Variants in CACNA2D1 observed in about 807,000 individuals in gnomAD.
CACNA2D1 encodes calcium voltage-gated channel auxiliary subunit alpha2delta 1.
CACNA2D1 carries 53 observed loss-of-function variants against 171.5 expected under a neutral mutation model. The ratio of observed to expected loss-of-function variants is 0.31; its 90% CI spans 0.25 to 0.39. The LOEUF is 0.39. Ranked by LOEUF, CACNA2D1 falls within the 10% of genes least tolerant of loss-of-function variation. The pLI, the probability that CACNA2D1 is intolerant of heterozygous loss-of-function variation, is 1.00. For synonymous variants in CACNA2D1, 442 were observed against 443.1 expected (o/e 1.00, Z 0.03); for missense variants, 903 against 1,299.8 (o/e 0.69, Z 4.69).
Position 82,177,164 on chromosome 7 carries a change from T to G in CACNA2D1, c.295-6555A>C, listed in dbSNP as rs1332222046. Among the ~76,000 whole-genome samples, 3 of 149,080 alleles carry G rather than the reference T, an allele frequency of 2.0e-5. No individual in the cohort carries two copies. In the East Asian group the frequency reaches 6.1e-4, roughly 30 times the overall value. On this transcript the variant is annotated intron_variant, in intron 3 of 38. Coordinates refer to ENST00000356860, the MANE Select transcript of CACNA2D1 (RefSeq NM_000722.4). ...AAAAGCACAGAAATAGTCTCGAGCC[T>G]ACCACCCCAGAATTCACCTTGATCT...
chr7:82,309,413 A>G (rs1814144033), intron 3 of CACNA2D1, among the ~76,000 whole-genome samples: 1 of 152,100 alleles, frequency 6.6e-6, no homozygotes, highest in Non-Finnish European at 1.5e-5. Context: ...TCTCAAAAAA[A>G]AAAAATTGTT....
At chr7:82,125,554 T>A (rs1584838449) in intron 5 of CACNA2D1, among the ~76,000 whole-genome samples, 1 of 152,152 alleles carries the variant, frequency 6.6e-6, no homozygotes, top group African/African-American at 2.4e-5. Flanking sequence ...TCCCCTCAGT[T>A]TATTTTAACA....
intron 1 of CACNA2D1, among the ~76,000 whole-genome samples, chr7:82,415,143 C>T (rs917880789): frequency 1.2e-4 from 19 of 152,218 alleles, no homozygotes; most frequent in Non-Finnish European, 1.2e-4. Flanking sequence ...TGTGGTTGCA[C>T]CACAGAAGAG....
intron 1 of CACNA2D1, among the ~76,000 whole-genome samples, chr7:82,430,114 C>T (rs1829546016): frequency 6.6e-6 from 1 of 151,082 alleles, no homozygotes; most frequent in South Asian, 2.1e-4. Context: ...AAAATGACTG[C>T]TATAAAAAGG....
chr7:82,377,583 C>T (rs1206122372), intron 1 of CACNA2D1, among the ~76,000 whole-genome samples: 1 of 152,166 alleles, frequency 6.6e-6, no homozygotes. Flanking sequence ...GATCATCTTA[C>T]TCCTTGACAC....
intron 10 of CACNA2D1, chr7:82,050,495 A>C: frequency 1.5e-6 from 1 of 684,956 alleles, no homozygotes; most frequent in Non-Finnish European, 2.7e-6. Flanking sequence ...CAGGAGTCCC[A>C]AGATGAGGAA....
intron 3 of CACNA2D1, among the ~76,000 whole-genome samples, chr7:82,238,682 T>C (rs927927374): frequency 6.6e-5 from 10 of 152,108 alleles, no homozygotes; most frequent in Non-Finnish European, 1.3e-4. Flanking sequence ...GAAGAATCTA[T>C]GAGGTTTTTT....
At chr7:82,359,499 C>T (rs968194485) in intron 1 of CACNA2D1, among the ~76,000 whole-genome samples, 1 of 152,120 alleles carries the variant, frequency 6.6e-6, no homozygotes, top group African/African-American at 2.4e-5. Flanking sequence ...TCCAGTCCAG[C>T]GCACTGAACT....
intron 3 of CACNA2D1, among the ~76,000 whole-genome samples, chr7:82,222,583 C>T (rs1018424445): frequency 6.6e-6 from 1 of 152,144 alleles, no homozygotes; most frequent in Non-Finnish European, 1.5e-5. Context: ...ATCACGAATG[C>T]TTTCTCCTCT....
chr7:82,183,626 A>G (rs1395279659), intron 3 of CACNA2D1, among the ~76,000 whole-genome samples: 1 of 152,190 alleles, frequency 6.6e-6, no homozygotes, highest in South Asian at 2.1e-4. Context: ...GAATTTTTAT[A>G]AAAAATTGAG....
At chr7:82,412,369 G>C (rs1275654371) in intron 1 of CACNA2D1, among the ~76,000 whole-genome samples, 1 of 143,312 alleles carries the variant, frequency 7.0e-6, no homozygotes, top group Admixed American at 7.5e-5. Context: ...TGCAACCTTT[G>C]CCTCCAGGGT....
At chr7:82,302,550 GAA>G (rs1354145579) in intron 3 of CACNA2D1, among the ~76,000 whole-genome samples, 2 of 151,934 alleles carry the variant, frequency 1.3e-5, no homozygotes, top group Non-Finnish European at 2.9e-5. Context: ...CAGTAGCTGG[GAA>G]ACAGGCATGC....
intron 4 of CACNA2D1, among the ~76,000 whole-genome samples, chr7:82,159,279 A>G (rs1794695710): frequency 6.6e-6 from 1 of 151,960 alleles, no homozygotes; most frequent in South Asian, 2.1e-4. Context: ...AAGACAAACC[A>G]TGACTTAATC....
chr7:81,959,423 C>CA, intron 37 of CACNA2D1, 66 bp from the exon 38 acceptor site: 1 of 1,080,538 alleles, frequency 9.3e-7, no homozygotes, highest in Admixed American at 1.7e-5. Flanking sequence ...AAATACAATG[C>CA]AATGTATTTC....
intron 1 of CACNA2D1, among the ~76,000 whole-genome samples, chr7:82,375,027 G>A (rs1177382371): frequency 6.6e-6 from 1 of 152,154 alleles, no homozygotes; most frequent in Non-Finnish European, 1.5e-5. Context: ...GGGCACTAAT[G>A]CGAAGGAATA....
intron 20 of CACNA2D1, among the ~76,000 whole-genome samples, chr7:81,993,751 G>A (rs1433750165): frequency 6.6e-6 from 1 of 152,064 alleles, no homozygotes; most frequent in Admixed American, 6.5e-5. Context: ...ACAATAGTGT[G>A]TTCATCAGAG....
At chr7:82,409,735 C>T (rs1377990203) in intron 1 of CACNA2D1, among the ~76,000 whole-genome samples, 3 of 152,132 alleles carry the variant, frequency 2.0e-5, no homozygotes, top group Admixed American at 6.6e-5. Context: ...AGGTCTCTTT[C>T]GCACACTATC....
At chr7:82,416,864 A>C (rs1240947351) in intron 1 of CACNA2D1, among the ~76,000 whole-genome samples, 1 of 152,188 alleles carries the variant, frequency 6.6e-6, no homozygotes, top group Non-Finnish European at 1.5e-5. Context: ...GTAATGCCTA[A>C]ATTAGGATTG....
intron 7 of CACNA2D1, among the ~76,000 whole-genome samples, chr7:82,072,608 G>C (rs1017187541): frequency 1.3e-5 from 2 of 151,114 alleles, no homozygotes; most frequent in African/African-American, 4.9e-5. Context: ...ACAAGCAGAA[G>C]ACAAGACAGG....
Sources: allele counts gnomAD v4.1 joint callset (sites outside exome capture counted in the v4.1 genomes callset), GRCh38; gene constraint gnomAD v4.1.1; transcripts MANE v1.5; gene names NCBI Gene and HGNC (gene_info 2026-07-23, HGNC 2026-07-21).